GPATCH1: variants seen among roughly 807,000 people sequenced by gnomAD.
GPATCH1 encodes G-patch domain containing 1.
A neutral mutation model predicts 114.9 loss-of-function variants in GPATCH1; 73 were observed. That is an observed-to-expected ratio of 0.64 (90% CI 0.53 to 0.77). GPATCH1 has a LOEUF of 0.77. Among genes scored for constraint, GPATCH1 ranks in the 30% least tolerant of loss-of-function variants. GPATCH1 has a pLI of 0.00. For synonymous variants in GPATCH1, 391 were observed against 428.4 expected (o/e 0.91, Z 1.08); for missense variants, 1,058 against 1,144.3 (o/e 0.92, Z 1.09).
intron 17 of GPATCH1, among the ~76,000 whole-genome samples, chr19:33,122,068 G>C (rs1972990390): frequency 6.6e-6 from 1 of 152,146 alleles, no homozygotes; most frequent in Non-Finnish European, 1.5e-5. Context: ...ACCCAGTCTG[G>C]AGTGCAGTGG....
chr19:33,125,266 G>A, intron 18 of GPATCH1, 64 bp downstream of exon 18: 2 of 1,549,110 alleles, frequency 1.3e-6, no homozygotes, highest in Non-Finnish European at 1.7e-6. Context: ...GCCCCCAGGA[G>A]TGTCATATAC....
intron 8 of GPATCH1, 72 bp downstream of exon 8, chr19:33,097,974 G>A (rs1410608481): frequency 2.9e-6 from 4 of 1,361,754 alleles, no homozygotes; most frequent in East Asian, 2.3e-5. Context: ...CTGCAAGAGC[G>A]ATACAGGAGC....
rs1003761976 is a variant in GPATCH1, at chr19:33,126,577, G to T, written c.2620-11G>T. 6 of 1,611,246 alleles carry T rather than the reference G, an allele frequency of 3.7e-6. No homozygotes were observed. In the African/African-American group the frequency reaches 4.0e-5, roughly 11 times the overall value. The stretch of plus-strand genomic sequence containing the variant: ...CATTTGTTTTCCCCCACCACTATTT[G>T]TTTTTTACAGAAAAAGAAACACAGG... On this transcript the variant is annotated splice_polypyrimidine_tract_variant and intron_variant, in intron 18 of 19. Coordinates refer to ENST00000170564, the MANE Select transcript of GPATCH1 (RefSeq NM_018025.3).
intron 17 of GPATCH1, among the ~76,000 whole-genome samples, chr19:33,122,274 T>G (rs569784774): frequency 1.3e-5 from 2 of 151,192 alleles, no homozygotes; most frequent in African/African-American, 2.4e-5. Flanking sequence ...TCCCAAAGTG[T>G]TGGGATTACG....
chr19:33,126,775 G>A, intron 19 of GPATCH1, 42 bp downstream of exon 19: 7 of 1,485,244 alleles, frequency 4.7e-6, no homozygotes, highest in Non-Finnish European at 6.5e-6. Flanking sequence ...AACCTTTAGA[G>A]GCTTATTGAG....
At position 33,111,792 on chromosome 19, in the gene GPATCH1, G is replaced by C; in HGVS notation, c.1654G>C (p.Ala552Pro). 3 of 1,614,068 alleles carry C rather than the reference G, an allele frequency of 1.9e-6. No individual in the cohort carries two copies. Among genetic ancestry groups the C allele is most frequent in the Non-Finnish European group, 2.5e-6 (3 of 1,179,984 alleles). The change falls in exon 12 of 20, where the codon GCC (alanine) becomes CCC (proline). Residue 552 changes from alanine (A) to proline (P), a missense_variant. Coordinates refer to ENST00000170564, the MANE Select transcript of GPATCH1 (RefSeq NM_018025.3). ...WERGRERDEF[A>P]RAALLYASSH... ...GCGAGGCCGTGAGCGGGATGAGTTT[G>C]CCCGGGCGGCCCTGCTGTACGCATC...
chr19:33,120,247 ATT>A (rs955472151), intron 17 of GPATCH1, among the ~76,000 whole-genome samples: 1 of 143,874 alleles, frequency 7.0e-6, no homozygotes, highest in Non-Finnish European at 1.5e-5. Context: ...ATTTTAATAT[ATT>A]TTTATAATTT....
At chr19:33,089,844 T>C (rs1348703181) in intron 2 of GPATCH1, among the ~76,000 whole-genome samples, 1 of 152,196 alleles carries the variant, frequency 6.6e-6, no homozygotes, top group Non-Finnish European at 1.5e-5. Context: ...GGTCTCGAAC[T>C]CCTGACCTCA....
intron 17 of GPATCH1, among the ~76,000 whole-genome samples, chr19:33,120,301 A>ATATATAAAAT (rs1972968009): frequency 9.4e-6 from 1 of 106,926 alleles, no homozygotes; most frequent in African/African-American, 4.5e-5. Context: ...ATATAAAATT[A>ATATATAAAAT]TATATTTTAT....
At chr19:33,124,178 A>G (rs1973015829) in intron 17 of GPATCH1, among the ~76,000 whole-genome samples, 1 of 150,302 alleles carries the variant, frequency 6.7e-6, no homozygotes, top group African/African-American at 2.4e-5. Flanking sequence ...GGTGAAAAAA[A>G]TTGATTTAAT....
intron 8 of GPATCH1, among the ~76,000 whole-genome samples, chr19:33,099,295 TATTA>T (rs1972697903): frequency 6.6e-6 from 1 of 151,662 alleles, no homozygotes; most frequent in African/African-American, 2.4e-5. Context: ...ATATACAACA[TATTA>T]ATAACAATAT....
Position 33,126,663 on chromosome 19 carries a change from A to C in GPATCH1, c.2695A>C (p.Ser899Arg). The change falls in exon 19 of 20, where the codon AGT (serine) becomes CGT (arginine). Residue 899 changes from serine (S) to arginine (R), a missense_variant. This residue lies in a region of GPATCH1 where 893 missense variants were observed against 977.4 expected (regional missense o/e 0.91). Coordinates refer to ENST00000170564, the MANE Select transcript of GPATCH1 (RefSeq NM_018025.3). ...KKPEKSSSSE[S>R]SDSSDSQSDE... ...ACCAGAGAAAAGTAGTAGCTCCGAGAGTTCCGACAGCAGCGACAGCCAGAG... is the reference window on the plus strand; with the variant it reads ...ACCAGAGAAAAGTAGTAGCTCCGAGCGTTCCGACAGCAGCGACAGCCAGAG... The C allele has an allele frequency of 6.2e-7, 1 of 1,614,148 alleles. No individual in the cohort carries two copies. The highest frequency in any genetic ancestry group is 8.5e-7 in the Non-Finnish European group (1 of 1,180,012).
chr19:33,130,056 C>T, intron 19 of GPATCH1, 74 bp from the exon 20 acceptor site: 1 of 1,121,628 alleles, frequency 8.9e-7, no homozygotes, highest in African/African-American at 1.6e-5. Flanking sequence ...CTGGCATTCT[C>T]AGCCTCCACG....
At chr19:33,120,143 TA>T (rs1256413722) in intron 17 of GPATCH1, among the ~76,000 whole-genome samples, 1 of 140,352 alleles carries the variant, frequency 7.1e-6, no homozygotes, top group Middle Eastern at 3.3e-3. Context: ...TATATTTAAA[TA>T]AAATATGTAA....
chr19:33,090,810 G>A lies in GPATCH1; in HGVS notation c.239G>A (p.Arg80Gln), dbSNP rs374045266. The A allele has an allele frequency of 8.7e-6, 14 of 1,612,680 alleles. No individual in the cohort carries two copies. Among genetic ancestry groups the A allele is most frequent in the South Asian group, 5.5e-5 (5 of 91,008 alleles). Residue 80 changes from arginine to glutamine, a missense_variant, in exon 3 of 20, where the codon CGA becomes CAA. Around this residue, in one of 3 missense-constraint regions of GPATCH1, gnomAD observed 131 missense variants for 107.2 expected, o/e 1.22. Transcript: ENST00000170564. ...GWTPSTFVSSRQNRADKSVLG... is the reference protein window; with the variant it reads ...GWTPSTFVSSQQNRADKSVLG... Reference sequence around the variant, plus strand: ...ACACCCTCTACCTTTGTGTCTTCACGACAGAACAGAGCAGACAAATCTGTT... The same window carrying A: ...ACACCCTCTACCTTTGTGTCTTCACAACAGAACAGAGCAGACAAATCTGTT...
In GPATCH1 at chr19:33,119,020, A is replaced by G. The variant is rs1238581534; in HGVS notation, c.2424A>G (p.Pro808=). 1.2e-6 allele frequency: 2 copies of G among 1,608,502 alleles called. No homozygotes were observed. The highest frequency in any genetic ancestry group is 1.7e-6 in the Non-Finnish European group (2 of 1,176,532). ...CCCGCTGTTTTTCAGCTCTTGTGCC[A>G]GCACCCCAGGAGCCGCCACCTTCCT... The part of the protein sequence containing the change: ...ETSSVAHALV[P]APQEPPPSFP... Residue 808 remains proline, a synonymous_variant, in exon 17 of 20, where the codon CCA becomes CCG. Transcript: ENST00000170564.
At chr19:33,095,900 AT>A in intron 6 of GPATCH1, 80 bp downstream of exon 6, 1 of 1,022,662 alleles carries the variant, frequency 9.8e-7, no homozygotes, top group Non-Finnish European at 1.6e-6. Flanking sequence ...GTTGGAGACA[AT>A]TTTAGAAATC....
intron 18 of GPATCH1, among the ~76,000 whole-genome samples, chr19:33,126,170 CCTT>C (rs1291464177): frequency 6.6e-6 from 1 of 152,226 alleles, no homozygotes; most frequent in Non-Finnish European, 1.5e-5. Flanking sequence ...TGTTCGGTAA[CCTT>C]CTGCCAGTTT....
chr19:33,125,179 G>A lies in GPATCH1; in HGVS notation c.2596G>A (p.Glu866Lys), dbSNP rs1000808683. The A allele has an allele frequency of 5.0e-6, 8 of 1,595,056 alleles. No individual in the cohort carries two copies. In the Admixed American group the frequency reaches 1.4e-4, roughly 28 times the overall value. The part of the protein sequence containing the change: ...KNKDKHKAKK[E>K]HRRKKEKKKK... ...CAAAGACAAGCACAAGGCCAAGAAAGAGCACAGGCGGAAGAAAGAGAAGGT... is the reference window on the plus strand; with the variant it reads ...CAAAGACAAGCACAAGGCCAAGAAAAAGCACAGGCGGAAGAAAGAGAAGGT... Residue 866 changes from glutamate to lysine, a missense_variant, in exon 18 of 20, where the codon GAG (glutamate) becomes AAG (lysine). Physicochemically the swap from Glu to Lys is moderately conservative, Grantham distance 56. Around this residue, in one of 3 missense-constraint regions of GPATCH1, gnomAD observed 893 missense variants for 977.4 expected, o/e 0.91. Coordinates refer to ENST00000170564, the MANE Select transcript of GPATCH1 (RefSeq NM_018025.3).
Sources: allele counts gnomAD v4.1 joint callset (sites outside exome capture counted in the v4.1 genomes callset), GRCh38; gene constraint gnomAD v4.1.1; regional missense constraint gnomAD v4.1.1; transcripts MANE v1.5; gene names NCBI Gene and HGNC (gene_info 2026-07-23, HGNC 2026-07-21).